ITGB6: variants seen among roughly 807,000 people sequenced by gnomAD.
ITGB6 encodes the protein integrin subunit beta 6.
Under a neutral mutation model 84.5 loss-of-function variants are expected in ITGB6, and 80 were observed. The ratio of observed to expected loss-of-function variants is 0.95; its 90% CI spans 0.79 to 1.14. The LOEUF (loss-of-function observed/expected upper bound fraction) is 1.14. ITGB6 is among the 50% of genes most tolerant of loss of function. The pLI is 0.00. For missense variants in ITGB6, 1,006 were observed against 968.0 expected, an observed-to-expected ratio of 1.04 and a Z score of -0.52; for synonymous variants, 383 against 354.9, an observed-to-expected ratio of 1.08 and a Z score of -0.89.
At chr2:160,183,853 A>G (rs560566746) in intron 4 of ITGB6, among the ~76,000 whole-genome samples, 1 of 152,314 alleles carries the variant, frequency 6.6e-6, no homozygotes, top group African/African-American at 2.4e-5. Flanking sequence ...AAACCACACA[A>G]CTACATGGAA....
intron 7 of ITGB6, among the ~76,000 whole-genome samples, chr2:160,157,868 C>A (rs1684683524): frequency 1.3e-5 from 2 of 151,900 alleles, no homozygotes. Context: ...TCTTCCAGAG[C>A]TAGGGGCGGA....
At chr2:160,109,947 C>T (rs544771607) in intron 13 of ITGB6, among the ~76,000 whole-genome samples, 3 of 152,296 alleles carry the variant, frequency 2.0e-5, no homozygotes, top group East Asian at 1.9e-4. Flanking sequence ...ACTGATTACA[C>T]GTTGAAATGA....
At chr2:160,187,456 T>C (rs758765345) in intron 4 of ITGB6, among the ~76,000 whole-genome samples, 1 of 152,216 alleles carries the variant, frequency 6.6e-6, no homozygotes, top group African/African-American at 2.4e-5. Flanking sequence ...AGTTTGAAGG[T>C]AATATCAAAG....
At chr2:160,116,343 G>T (rs1682767358) in intron 12 of ITGB6, among the ~76,000 whole-genome samples, 1 of 149,984 alleles carries the variant, frequency 6.7e-6, no homozygotes, top group African/African-American at 2.4e-5. Context: ...CCAGAAGAGA[G>T]TGGGGGCCAA....
chr2:160,116,853 G>C (rs1337053274), intron 12 of ITGB6, among the ~76,000 whole-genome samples: 3 of 151,126 alleles, frequency 2.0e-5, no homozygotes, highest in Admixed American at 2.0e-4. Flanking sequence ...AAAAAGGCAG[G>C]GGTTGCAATC....
intron 12 of ITGB6, among the ~76,000 whole-genome samples, chr2:160,119,071 G>A (rs949586439): frequency 9.2e-5 from 14 of 152,212 alleles, no homozygotes; most frequent in East Asian, 7.7e-4. Flanking sequence ...AATCAATATC[G>A]TGAAAATGGC....
At position 160,101,709 on chromosome 2, in the gene ITGB6, C is replaced by G; in HGVS notation, c.*27G>C. 8.1e-7 allele frequency: 1 copy of G among 1,228,696 alleles called. No individual in the cohort carries two copies. The highest frequency in any genetic ancestry group is 1.2e-6 in the Non-Finnish European group (1 of 831,454). 76.1% of individuals were successfully genotyped at this position (1,228,696 alleles called of 1,614,324 possible). On this transcript the variant is annotated 3_prime_UTR_variant, in exon 15 of 15. Transcript: ENST00000283249. ...GCATTAACATTTCATATCAGTGAAACAGACTTTTTTCATGCATAAAGTAGT... is the reference window on the plus strand; with the variant it reads ...GCATTAACATTTCATATCAGTGAAAGAGACTTTTTTCATGCATAAAGTAGT...
Position 160,199,796 on chromosome 2 carries a change from A to T in ITGB6, c.61+207T>A, listed in dbSNP as rs373007435. Among the ~76,000 whole-genome samples, 42 of 152,316 alleles carry T rather than the reference A, an allele frequency of 2.8e-4. 1 individual carries two copies. The East Asian group carries it at 3.9e-3, about 14-fold the overall frequency. ...TTCTCCTCATTAAAATGCCTGTGCA[A>T]CCTTTGTATTTATTTACCTTAAGCC... On this transcript the variant is annotated intron_variant, in intron 1 of 14. Coordinates refer to ENST00000283249, the MANE Select transcript of ITGB6 (RefSeq NM_000888.5).
chr2:160,161,428 C>T (rs1264976845), intron 7 of ITGB6, among the ~76,000 whole-genome samples: 1 of 152,110 alleles, frequency 6.6e-6, no homozygotes, highest in Non-Finnish European at 1.5e-5. Context: ...GTAGCTGGGA[C>T]TACAGGCACA....
rs762290626 is a variant in ITGB6, at chr2:160,172,643, C to G, written c.847G>C (p.Ala283Pro). The change falls in exon 6 of 15, where the codon GCA (alanine) becomes CCA (proline). Residue 283 changes from alanine to proline, a missense_variant. Physicochemically the swap from Ala to Pro is conservative, Grantham distance 27. Coordinates refer to ENST00000283249, the MANE Select transcript of ITGB6 (RefSeq NM_000888.5). Reference protein sequence around the residue: ...DSHFGMDSKLAGIVIPNDGLC... With the variant: ...DSHFGMDSKLPGIVIPNDGLC... The stretch of plus-strand genomic sequence containing the variant: ...CCGTCATTAGGAATGACGATGCCTG[C>G]TAGTTTGCTGTCCATTCCAAAATGA... 1 of 1,612,366 alleles carries G rather than the reference C, an allele frequency of 6.2e-7. No homozygotes were observed. The highest frequency in any genetic ancestry group is 2.2e-5 in the East Asian group (1 of 44,832).
chr2:160,102,067 G>A (rs1696742957), intron 14 of ITGB6, among the ~76,000 whole-genome samples: 1 of 152,008 alleles, frequency 6.6e-6, no homozygotes, highest in Non-Finnish European at 1.5e-5. Flanking sequence ...ACCTCTTTTG[G>A]TAATGCACAA....
At chr2:160,102,572 G>A (rs1005418717) in intron 14 of ITGB6, among the ~76,000 whole-genome samples, 1 of 152,238 alleles carries the variant, frequency 6.6e-6, no homozygotes, top group Non-Finnish European at 1.5e-5. Flanking sequence ...CTTTGCCTTG[G>A]GGGCAGTGGG....
In ITGB6 at chr2:160,126,604, G is replaced by C. The variant is rs1683256077; in HGVS notation, c.1661-3C>G. 6.2e-7 allele frequency: 1 copy of C among 1,611,854 alleles called. No individual in the cohort carries two copies. Among genetic ancestry groups the C allele is most frequent in the Non-Finnish European group, 8.5e-7 (1 of 1,179,156 alleles). ...ACCACAGTCACAGTCGCCGTTACCT[G>C]TAACACAAAATGCTCTATGCTTCTC... On this transcript the variant is annotated splice_region_variant and splice_polypyrimidine_tract_variant and intron_variant, in intron 10 of 14. Transcript: ENST00000283249.
chr2:160,114,995 G>T (rs1682702020), intron 12 of ITGB6, among the ~76,000 whole-genome samples: 1 of 152,226 alleles, frequency 6.6e-6, no homozygotes, highest in Non-Finnish European at 1.5e-5. Context: ...CAAAGCAGCT[G>T]GGAAGCTCAA....
chr2:160,176,564 T>G (rs1286728831), intron 4 of ITGB6, among the ~76,000 whole-genome samples: 1 of 152,224 alleles, frequency 6.6e-6, no homozygotes, highest in Non-Finnish European at 1.5e-5. Flanking sequence ...AGACTGTATC[T>G]ACCTAGCAGG....
intron 12 of ITGB6, among the ~76,000 whole-genome samples, chr2:160,121,432 A>G (rs6432601): frequency 0.67 from 101,541 of 152,096 alleles, 34,259 homozygotes; most frequent in Admixed American, 0.74. Flanking sequence ...ATCTAGGGTT[A>G]CATGGAATAT....
chr2:160,119,152 T>C (rs528927707), intron 12 of ITGB6, among the ~76,000 whole-genome samples: 2 of 152,282 alleles, frequency 1.3e-5, no homozygotes, highest in Non-Finnish European at 2.9e-5. Flanking sequence ...CTTCACAGAA[T>C]TGGAAAAAAC....
At chr2:160,123,194 G>A (rs1683108118) in intron 12 of ITGB6, among the ~76,000 whole-genome samples, 1 of 152,202 alleles carries the variant, frequency 6.6e-6, no homozygotes. Flanking sequence ...ATGAAAGCAA[G>A]AGAAGTTTGC....
intron 10 of ITGB6, among the ~76,000 whole-genome samples, chr2:160,127,645 A>G (rs1052221550): frequency 2.6e-5 from 4 of 152,236 alleles, no homozygotes; most frequent in African/African-American, 9.6e-5. Context: ...TTGGCTCAGA[A>G]TAAATCTCTT....
Sources: allele counts gnomAD v4.1 joint callset (sites outside exome capture counted in the v4.1 genomes callset), GRCh38; gene constraint gnomAD v4.1.1; transcripts MANE v1.5; gene names NCBI Gene and HGNC (gene_info 2026-07-23, HGNC 2026-07-21).